Variants in SEMA6D observed in about 807,000 individuals in gnomAD.
SEMA6D encodes the protein semaphorin-6D.
A neutral mutation model predicts 106.6 loss-of-function variants in SEMA6D; 35 were observed. The ratio of observed to expected loss-of-function variants is 0.33; its 90% CI spans 0.25 to 0.44. The LOEUF (loss-of-function observed/expected upper bound fraction) is 0.44, where lower values mean the gene tolerates loss of function less well. Among genes scored for constraint, SEMA6D ranks in the 20% least tolerant of loss-of-function variants. SEMA6D has a pLI of 1.00. For synonymous variants in SEMA6D, 499 were observed against 487.7 expected (o/e 1.02, Z -0.31); for missense variants, 1,185 against 1,345.9 (o/e 0.88, Z 1.87).
At chr15:47,353,568 C>T (rs1452515023) in intron 1 of SEMA6D, among the ~76,000 whole-genome samples, 1 of 152,168 alleles carries the variant, frequency 6.6e-6, no homozygotes, top group Non-Finnish European at 1.5e-5. Flanking sequence ...GAATTGACCT[C>T]CTCATCCTCT....
intron 3 of SEMA6D, among the ~76,000 whole-genome samples, chr15:47,558,819 A>T (rs2045990422): frequency 6.6e-6 from 1 of 152,114 alleles, no homozygotes; most frequent in Non-Finnish European, 1.5e-5. Context: ...GAAGAGTATA[A>T]GATAGAATCA....
chr15:47,494,852 C>T (rs1311022217), intron 3 of SEMA6D, among the ~76,000 whole-genome samples: 1 of 143,192 alleles, frequency 7.0e-6, no homozygotes, highest in Admixed American at 7.1e-5. Flanking sequence ...AATCATTCTG[C>T]ACATGATTGC....
At chr15:47,248,898 G>A (rs988833313) in intron 1 of SEMA6D, among the ~76,000 whole-genome samples, 2 of 152,138 alleles carry the variant, frequency 1.3e-5, no homozygotes, top group South Asian at 2.1e-4. Context: ...TCACATGGAC[G>A]CTTAATAACA....
chr15:47,250,451 G>A (rs1013898734), intron 1 of SEMA6D, among the ~76,000 whole-genome samples: 2 of 151,988 alleles, frequency 1.3e-5, no homozygotes, highest in African/African-American at 2.4e-5. Context: ...AAGAAAGAAA[G>A]AAAGAAAGAA....
chr15:47,527,973 G>A (rs933099567), intron 3 of SEMA6D, among the ~76,000 whole-genome samples: 6 of 152,210 alleles, frequency 3.9e-5, no homozygotes, highest in African/African-American at 1.2e-4. Context: ...CCTGTGCTAT[G>A]TAAGTAAATG....
chr15:47,717,774 T>TGTGTGTGTGG (rs1275983103), intron 1 of SEMA6D, 82 bp downstream of exon 1: 1 of 140,570 alleles, frequency 7.1e-6, no homozygotes, highest in African/African-American at 3.0e-5. Flanking sequence ...TCGCTGTGTG[T>TGTGTGTGTGG]GTGTGTGTGT....
At chr15:47,292,606 A>G (rs953860697) in intron 1 of SEMA6D, among the ~76,000 whole-genome samples, 2 of 152,162 alleles carry the variant, frequency 1.3e-5, no homozygotes, top group Admixed American at 6.6e-5. Flanking sequence ...AGCTTGGTGC[A>G]CACATGGCAG....
Position 47,763,972 on chromosome 15 carries a change from G to A in SEMA6D, c.870G>A (p.Ser290=), listed in dbSNP as rs776721991. Residue 290 remains serine (S), a synonymous_variant, in exon 10 of 19, where the codon TCG becomes TCA. Transcript: ENST00000536845. ...ARLNCSVPGD[S]FFYFDVLQSI... ...TGAACTGTTCTGTCCCTGGAGATTC[G>A]TTTTTCTACTTTGATGTTCTGCAGT... 2.0e-5 allele frequency: 33 copies of A among 1,613,924 alleles called. No homozygotes were observed. In the East Asian group the frequency reaches 4.0e-4, roughly 20 times the overall value.
Position 47,458,115 on chromosome 15 carries a change from C to A in SEMA6D, c.-158-12359C>A, listed in dbSNP as rs1405745400. 4.6e-5 allele frequency among the ~76,000 whole-genome samples: 7 copies of A among 151,766 alleles called. No individual in the cohort carries two copies. The East Asian group carries it at 7.8e-4, about 17-fold the overall frequency. ...GACAAACAAGAGCTGAAATCTAGATCTATACAAAGTAATAAATAACACTGA... is the reference window on the plus strand; with the variant it reads ...GACAAACAAGAGCTGAAATCTAGATATATACAAAGTAATAAATAACACTGA... On this transcript the variant is annotated intron_variant, in intron 2 of 19. Coordinates refer to the SEMA6D transcript ENST00000558014.
At chr15:47,318,005 T>C (rs914415170) in intron 1 of SEMA6D, among the ~76,000 whole-genome samples, 2 of 149,320 alleles carry the variant, frequency 1.3e-5, no homozygotes, top group Admixed American at 6.7e-5. Context: ...GTTACTCTTA[T>C]TACATTTGTC....
intron 1 of SEMA6D, among the ~76,000 whole-genome samples, chr15:47,320,852 C>T (rs2036896375): frequency 1.3e-5 from 2 of 152,144 alleles, no homozygotes; most frequent in East Asian, 1.9e-4. Flanking sequence ...CTCCAGCCCG[C>T]CCCCCACCTT....
chr15:47,744,365 A>G (rs2080996137), intron 1 of SEMA6D, among the ~76,000 whole-genome samples: 1 of 152,218 alleles, frequency 6.6e-6, no homozygotes, highest in African/African-American at 2.4e-5. Context: ...GCTGCAAAGC[A>G]CATTGGGAAT....
chr15:47,629,386 G>A (rs2077256811), intron 4 of SEMA6D, among the ~76,000 whole-genome samples: 1 of 152,092 alleles, frequency 6.6e-6, no homozygotes, highest in East Asian at 1.9e-4. Flanking sequence ...TTCTTACTAT[G>A]CTGAGTCTTC....
chr15:47,397,661 C>G (rs1173560846), intron 1 of SEMA6D: 1 of 152,130 alleles, frequency 6.6e-6, no homozygotes, highest in African/African-American at 2.4e-5. Context: ...AACCTGTTTT[C>G]CATGCTTTCT....
intron 1 of SEMA6D, chr15:47,393,543 A>G (rs2040109694): frequency 6.6e-6 from 1 of 152,194 alleles, no homozygotes; most frequent in Admixed American, 6.5e-5. Flanking sequence ...AGGCCATGGC[A>G]GTTACAAATT....
intron 1 of SEMA6D, chr15:47,730,753 C>G: frequency 2.5e-6 from 4 of 1,600,232 alleles, no homozygotes; most frequent in African/African-American, 1.3e-5. Flanking sequence ...CCGCTGCAAC[C>G]TGATATAGTG....
intron 1 of SEMA6D, among the ~76,000 whole-genome samples, chr15:47,250,346 A>C (rs28585420): frequency 6.6e-6 from 1 of 151,362 alleles, no homozygotes; most frequent in African/African-American, 2.4e-5. Context: ...GAGAGAGAGA[A>C]AGAGAGGGAG....
chr15:47,234,293 A>G (rs989357995), intron 1 of SEMA6D, among the ~76,000 whole-genome samples: 3 of 151,990 alleles, frequency 2.0e-5, no homozygotes, highest in African/African-American at 7.2e-5. Context: ...AGACTAATGC[A>G]TTTATGCTTG....
intron 1 of SEMA6D, among the ~76,000 whole-genome samples, chr15:47,365,166 C>T (rs886912791): frequency 3.3e-5 from 5 of 152,160 alleles, no homozygotes; most frequent in African/African-American, 9.7e-5. Context: ...GCAAAAGAGA[C>T]GACCTGCTGA....
Sources: allele counts gnomAD v4.1 joint callset (sites outside exome capture counted in the v4.1 genomes callset), GRCh38; gene constraint gnomAD v4.1.1; transcripts MANE v1.5; gene names NCBI Gene and HGNC (gene_info 2026-07-23, HGNC 2026-07-21).